The following C3orf22 variants were observed in gnomAD, a reference collection of about 807,000 sequenced individuals.
The protein encoded by C3orf22 is chromosome 3 open reading frame 22, also known as uncharacterized protein C3orf22.
A neutral mutation model predicts 10.8 loss-of-function variants in C3orf22; 7 were observed. The observed-to-expected ratio is 0.65, with a 90% CI of 0.37 to 1.22. The LOEUF (loss-of-function observed/expected upper bound fraction) is 1.22. Ranked by LOEUF, C3orf22 falls within the 50% of genes most tolerant of loss-of-function variation. The probability of loss-of-function intolerance (pLI) is 0.02; values close to 1 mark genes in which losing one functional copy is unlikely to be tolerated. For missense variants in C3orf22, 173 were observed against 177.0 expected (o/e 0.98, Z 0.13); for synonymous variants, 79 against 78.9 (o/e 1.00, Z 0.00).
intron 1 of C3orf22, among the ~76,000 whole-genome samples, chr3:126,556,261 G>A (rs1383665258): frequency 6.6e-6 from 1 of 152,168 alleles, no homozygotes; most frequent in Non-Finnish European, 1.5e-5. Flanking sequence ...GAGAGTGACA[G>A]CAGCCCCTCA....
chr3:126,542,259 G>A (rs1270912291), intron 4 of C3orf22: 2 of 1,549,612 alleles, frequency 1.3e-6, no homozygotes, highest in Admixed American at 1.8e-5. Flanking sequence ...CTGGACCCGC[G>A]CACGCGGCGT....
downstream of C3orf22, among the ~76,000 whole-genome samples, chr3:126,546,433 A>G (rs1937068554): frequency 6.6e-6 from 1 of 152,154 alleles, no homozygotes; most frequent in South Asian, 2.1e-4. Flanking sequence ...CTCACCCACA[A>G]TGTGATGCTA....
At chr3:126,544,250 C>T (rs895031144) in intron 4 of C3orf22, among the ~76,000 whole-genome samples, 1 of 152,222 alleles carries the variant, frequency 6.6e-6, no homozygotes, top group African/African-American at 2.4e-5. Context: ...CCACGTGATG[C>T]TCTGTACCAC....
intron 4 of C3orf22, chr3:126,542,499 A>G: frequency 7.0e-6 from 11 of 1,576,632 alleles, no homozygotes; most frequent in South Asian, 1.2e-5. Context: ...CCCTTCTACC[A>G]GCGGCGCCTC....
chr3:126,533,338 C>T (rs1936696636), intron 4 of C3orf22, among the ~76,000 whole-genome samples: 1 of 152,166 alleles, frequency 6.6e-6, no homozygotes, highest in African/African-American at 2.4e-5. Flanking sequence ...CAGTCTTTCA[C>T]TATTAAGTTA....
At chr3:126,553,655 C>T (rs559941343) in intron 1 of C3orf22, among the ~76,000 whole-genome samples, 23 of 152,216 alleles carry the variant, frequency 1.5e-4, no homozygotes, top group Non-Finnish European at 3.1e-4. Flanking sequence ...CTCACGCTTA[C>T]CCCTCCACAG....
At chr3:126,544,174 G>A (rs189127050) in intron 4 of C3orf22, among the ~76,000 whole-genome samples, 1 of 152,148 alleles carries the variant, frequency 6.6e-6, no homozygotes, top group East Asian at 1.9e-4. Context: ...AGTCACCATG[G>A]GAGTGGGACC....
chr3:126,535,609 G>C (rs528556510), intron 4 of C3orf22, among the ~76,000 whole-genome samples: 8 of 151,920 alleles, frequency 5.3e-5, no homozygotes, highest in African/African-American at 1.7e-4. Context: ...CAGCCGGACA[G>C]CATCACTTTT....
intron 4 of C3orf22, among the ~76,000 whole-genome samples, chr3:126,530,076 G>A (rs912029600): frequency 2.0e-5 from 3 of 152,232 alleles, no homozygotes; most frequent in Non-Finnish European, 4.4e-5. Flanking sequence ...AGCTGGCCAA[G>A]TCAGGATTGG....
rs779440915 is a variant in C3orf22, at chr3:126,553,359, T to G, written c.32A>C (p.Gln11Pro). Residue 11 changes from glutamine (Q) to proline (P), a missense_variant, in exon 2 of 4, where the codon CAG becomes CCG. Coordinates refer to ENST00000318225, the MANE Select transcript of C3orf22 (RefSeq NM_152533.3). MDSSACKKSH[Q>P]SKKWRIQAQE... ...GGCCTGGATCCTCCACTTCTTACTCTGGTGAGACTTCTTGCAGGCACTGGA... is the reference window on the plus strand; with the variant it reads ...GGCCTGGATCCTCCACTTCTTACTCGGGTGAGACTTCTTGCAGGCACTGGA... 13 of 1,613,680 alleles carry G rather than the reference T, an allele frequency of 8.1e-6. No homozygotes were observed. The highest frequency in any genetic ancestry group is 1.1e-5 in the Non-Finnish European group (13 of 1,179,948).
chr3:126,555,052 G>A (rs930263885), intron 1 of C3orf22, among the ~76,000 whole-genome samples: 5 of 152,226 alleles, frequency 3.3e-5, no homozygotes, highest in African/African-American at 1.2e-4. Context: ...AACTGTGAAC[G>A]GCTAGCTGCT....
chr3:126,540,155 C>T (rs998532673), intron 4 of C3orf22, among the ~76,000 whole-genome samples: 5 of 152,062 alleles, frequency 3.3e-5, no homozygotes, highest in African/African-American at 1.2e-4. Context: ...CAGGCCCTGG[C>T]TCTGGTGTTC....
intron 3 of C3orf22, among the ~76,000 whole-genome samples, chr3:126,551,444 G>C (rs768588769): frequency 7.9e-5 from 12 of 152,336 alleles, no homozygotes; most frequent in Non-Finnish European, 1.3e-4. Context: ...CTGTTTAGGA[G>C]GAAGTAGGTG....
Position 126,549,854 on chromosome 3 carries a change from A to G in C3orf22, c.*14T>C. The G allele has an allele frequency of 6.2e-7, 1 of 1,602,626 alleles. No homozygotes were observed. Among genetic ancestry groups the G allele is most frequent in the Non-Finnish European group, 8.5e-7 (1 of 1,173,628 alleles). ...AAGGTGGCCAATAAGAAGGCCACAC[A>G]CAGAGCCCAGTCTCTAGGAGAGGCC... On this transcript the variant is annotated 3_prime_UTR_variant, in exon 4 of 4. Transcript: ENST00000318225.
chr3:126,537,191 T>C (rs1051081740), intron 4 of C3orf22, among the ~76,000 whole-genome samples: 1 of 151,938 alleles, frequency 6.6e-6, no homozygotes, highest in African/African-American at 2.4e-5. Context: ...CTCTCCAAGG[T>C]AGGGACATTG....
intron 4 of C3orf22, among the ~76,000 whole-genome samples, chr3:126,540,082 G>A (rs1047115290): frequency 4.0e-5 from 6 of 149,270 alleles, no homozygotes; most frequent in Admixed American, 2.0e-4. Context: ...CACCACACGC[G>A]TGCACCACAC....
chr3:126,552,160 C>T (rs754993481), intron 2 of C3orf22, 38 bp from the exon 3 acceptor site: 3 of 1,612,598 alleles, frequency 1.9e-6, no homozygotes, highest in Admixed American at 1.7e-5. Flanking sequence ...GGCCACCATC[C>T]ACCAGCCTCC....
intron 1 of C3orf22, among the ~76,000 whole-genome samples, chr3:126,554,794 G>A (rs16837587): frequency 0.34 from 52,114 of 151,908 alleles, 9,194 homozygotes; most frequent in African/African-American, 0.43. Context: ...GCCACATTTC[G>A]TCCCCTGAGC....
At chr3:126,544,295 G>A (rs1427350741) in intron 4 of C3orf22, among the ~76,000 whole-genome samples, 1 of 152,172 alleles carries the variant, frequency 6.6e-6, no homozygotes, top group Non-Finnish European at 1.5e-5. Flanking sequence ...CAGCAAGAAG[G>A]CCCTCACCAG....
Sources: gnomAD v4.1 joint callset for allele counts (sites outside exome capture counted in the v4.1 genomes callset) on GRCh38, gnomAD v4.1.1 for gene constraint, MANE v1.5 for transcripts, NCBI Gene and HGNC (gene_info 2026-07-23, HGNC 2026-07-21) for gene names.